KCNN2: variants seen among roughly 807,000 people sequenced by gnomAD.
The protein encoded by KCNN2 is potassium calcium-activated channel subfamily N member 2.
Under a neutral mutation model 55.5 loss-of-function variants are expected in KCNN2, and 24 were observed. That is an observed-to-expected ratio of 0.43 (90% CI 0.31 to 0.61). KCNN2 has a LOEUF of 0.61. KCNN2 is among the 20% of genes least tolerant of loss of function. The pLI is 0.08. For synonymous variants in KCNN2, 431 were observed against 336.1 expected (o/e 1.28, Z -3.09); for missense variants, 754 against 853.6 (o/e 0.88, Z 1.45).
At chr5:114,222,242 C>G (rs999072479) in intron 2 of KCNN2, among the ~76,000 whole-genome samples, 1 of 152,094 alleles carries the variant, frequency 6.6e-6, no homozygotes, top group Non-Finnish European at 1.5e-5. Context: ...AATCTAAGAA[C>G]GTAAGCAGGG....
chr5:114,193,686 A>C (rs1753494950), intron 1 of KCNN2, among the ~76,000 whole-genome samples: 1 of 152,154 alleles, frequency 6.6e-6, no homozygotes, highest in Non-Finnish European at 1.5e-5. Context: ...TAAAGTTTGC[A>C]CACATCAGTT....
At chr5:114,180,278 C>T (rs1753214843) in intron 1 of KCNN2, among the ~76,000 whole-genome samples, 1 of 152,038 alleles carries the variant, frequency 6.6e-6, no homozygotes, top group South Asian at 2.1e-4. Context: ...TCACTACTAC[C>T]GAGTCTCATT....
chr5:114,284,928 A>G (rs1319418076), intron 2 of KCNN2, among the ~76,000 whole-genome samples: 1 of 152,080 alleles, frequency 6.6e-6, no homozygotes, highest in African/African-American at 2.4e-5. Flanking sequence ...CTGTGAAAAA[A>G]ATAAATTTCT....
At chr5:114,123,291 C>T (rs1423698470) in intron 1 of KCNN2, among the ~76,000 whole-genome samples, 1 of 151,478 alleles carries the variant, frequency 6.6e-6, no homozygotes, top group East Asian at 1.9e-4. Flanking sequence ...CAAGCAGGTG[C>T]ATCCTTAGTA....
intron 3 of KCNN2, among the ~76,000 whole-genome samples, chr5:114,412,446 T>G (rs1293378846): frequency 1.4e-5 from 2 of 139,936 alleles, no homozygotes; most frequent in Non-Finnish European, 3.1e-5. Context: ...GTATCTTAAA[T>G]GATCTGGGTT....
chr5:114,195,743 A>T (rs1185015855), intron 1 of KCNN2, among the ~76,000 whole-genome samples: 1 of 152,038 alleles, frequency 6.6e-6, no homozygotes, highest in African/African-American at 2.4e-5. Context: ...GAGAGCAGAC[A>T]TCCTTGTCTT....
intron 2 of KCNN2, among the ~76,000 whole-genome samples, chr5:114,299,207 A>G (rs1220379242): frequency 2.0e-5 from 3 of 150,966 alleles, no homozygotes; most frequent in Admixed American, 6.6e-5. Context: ...TGCCTCCTCT[A>G]TGTTTGTCAG....
chr5:114,305,524 G>T (rs1404669488), intron 2 of KCNN2, among the ~76,000 whole-genome samples: 1 of 152,214 alleles, frequency 6.6e-6, no homozygotes, highest in Non-Finnish European at 1.5e-5. Flanking sequence ...CACCTTCAGG[G>T]TAGCACAGAG....
intron 1 of KCNN2, among the ~76,000 whole-genome samples, chr5:114,178,155 A>T (rs1753173198): frequency 6.6e-6 from 1 of 152,232 alleles, no homozygotes. Context: ...AATGTTTTTT[A>T]CATTTTCATC....
chr5:114,124,035 G>C (rs1212011016), intron 1 of KCNN2, among the ~76,000 whole-genome samples: 4 of 152,120 alleles, frequency 2.6e-5, no homozygotes, highest in Admixed American at 1.3e-4. Context: ...AGTAATCAAG[G>C]TGTCATAAAT....
chr5:114,470,129 A>C (rs1761653326), intron 4 of KCNN2, among the ~76,000 whole-genome samples: 2 of 152,232 alleles, frequency 1.3e-5, no homozygotes, highest in South Asian at 4.1e-4. Context: ...GCAGAAAAGA[A>C]TGGAGCCTGA....
chr5:114,424,585 A>G (rs1759564522), intron 3 of KCNN2, among the ~76,000 whole-genome samples: 1 of 152,204 alleles, frequency 6.6e-6, no homozygotes, highest in African/African-American at 2.4e-5. Context: ...ATATTTTAGA[A>G]GGAAAACCCT....
At chr5:114,411,128 T>G (rs1759118090) in intron 3 of KCNN2, among the ~76,000 whole-genome samples, 2 of 152,224 alleles carry the variant, frequency 1.3e-5, no homozygotes, top group Non-Finnish European at 2.9e-5. Flanking sequence ...CAGTTGTGTT[T>G]AGAGTCTACT....
chr5:114,490,357 C>T (rs917418493), intron 6 of KCNN2, among the ~76,000 whole-genome samples: 6 of 152,148 alleles, frequency 3.9e-5, no homozygotes, highest in African/African-American at 1.4e-4. Context: ...ATATCACATT[C>T]ATATTAGGCA....
intron 2 of KCNN2, among the ~76,000 whole-genome samples, chr5:114,221,978 G>A (rs1423037733): frequency 6.6e-6 from 1 of 152,184 alleles, no homozygotes; most frequent in Non-Finnish European, 1.5e-5. Context: ...AACTGAGGAT[G>A]ATGAAATACA....
chr5:114,374,949 TAGTC>T (rs1465232445), intron 2 of KCNN2, among the ~76,000 whole-genome samples: 3 of 152,196 alleles, frequency 2.0e-5, no homozygotes, highest in Non-Finnish European at 4.4e-5. Context: ...GTTACTGAGT[TAGTC>T]GTCTTCTGTC....
intron 2 of KCNN2, among the ~76,000 whole-genome samples, chr5:114,233,766 T>G (rs1754414264): frequency 1.3e-5 from 2 of 152,196 alleles, no homozygotes; most frequent in Admixed American, 1.3e-4. Context: ...GCTCCAAAAA[T>G]ATTGAGTGTG....
chr5:114,478,375 A>C (rs891771466), intron 5 of KCNN2, among the ~76,000 whole-genome samples: 1 of 152,104 alleles, frequency 6.6e-6, no homozygotes, highest in African/African-American at 2.4e-5. Context: ...GAGTGAACAA[A>C]ACCTCCGAGA....
intron 2 of KCNN2, among the ~76,000 whole-genome samples, chr5:114,266,699 T>C (rs970278344): frequency 2.6e-5 from 4 of 152,150 alleles, no homozygotes; most frequent in Admixed American, 1.3e-4. Context: ...CTACAAAAGA[T>C]TGAGCCAAAG....
Sources: gnomAD v4.1 joint callset for allele counts (sites outside exome capture counted in the v4.1 genomes callset) on GRCh38, gnomAD v4.1.1 for gene constraint, MANE v1.5 for transcripts, NCBI Gene and HGNC (gene_info 2026-07-23, HGNC 2026-07-21) for gene names.